The following OGT variants were observed in gnomAD, a reference collection of about 807,000 sequenced individuals.
The protein encoded by OGT is O-linked N-acetylglucosamine (GlcNAc) transferase.
A neutral mutation model predicts 75.8 loss-of-function variants in OGT; 3 were observed. The observed-to-expected ratio is 0.04, with a 90% CI of 0.02 to 0.10. The LOEUF is 0.10. OGT is among the 10% of genes least tolerant of loss of function. OGT has a pLI of 1.00. For missense variants in OGT, 260 were observed against 824.4 expected (o/e 0.32, Z 8.38); for synonymous variants, 257 against 289.7 (o/e 0.89, Z 1.15).
intron 1 of OGT, among the ~76,000 whole-genome samples, chrX:71,534,562 T>C (rs2040161494): frequency 9.0e-6 from 1 of 111,137 alleles, no homozygotes; most frequent in Non-Finnish European, 1.9e-5. Flanking sequence ...GAAGTTGTGC[T>C]GTAAGTAGTA....
At position 71,559,568 on chromosome X, in the gene OGT, T is replaced by A. The variant is rs1488513376; in HGVS notation, c.1762-20T>A. 5 of 1,187,440 alleles carry A rather than the reference T, an allele frequency of 4.2e-6. No individual in the cohort carries two copies. In the South Asian group the frequency reaches 7.3e-5, roughly 17 times the overall value. Reference sequence around the variant, plus strand: ...AGATTTGAGCCAATGTTATTAAATATGCCATGTGCTGCCTTTCAGGTGTTC... The same window carrying A: ...AGATTTGAGCCAATGTTATTAAATAAGCCATGTGCTGCCTTTCAGGTGTTC... On this transcript the variant is annotated intron_variant, in intron 13 of 21. Transcript: ENST00000373719.
Position 71,544,605 on chromosome X carries a change from C to G in OGT, c.501C>G (p.Leu167=), listed in dbSNP as rs757800707. Residue 167 remains leucine (L), a synonymous_variant, in exon 4 of 22, where the codon CTC becomes CTG. Transcript: ENST00000373719. The part of the protein sequence containing the change: ...YCVRSDLGNL[L]KALGRLEEAK... ...TTCGCAGTGACCTGGGGAACCTGCT[C>G]AAAGCCCTGGGTCGCTTGGAAGAAG... 3 of 1,210,347 alleles carry G rather than the reference C, an allele frequency of 2.5e-6. No homozygotes were observed. Among genetic ancestry groups the G allele is most frequent in the Admixed American group, 4.3e-5 (2 of 46,034 alleles).
At chrX:71,564,198 A>G (rs1278004196) in intron 18 of OGT, among the ~76,000 whole-genome samples, 2 of 112,431 alleles carry the variant, frequency 1.8e-5, no homozygotes, top group Non-Finnish European at 3.8e-5. Context: ...GAGAATTACA[A>G]GATGAAACTA....
intron 5 of OGT, among the ~76,000 whole-genome samples, chrX:71,553,953 G>A (rs1298747628): frequency 8.9e-6 from 1 of 111,738 alleles, no homozygotes; most frequent in African/African-American, 3.3e-5. Flanking sequence ...TTTTCTAGGA[G>A]GTAAATTCTT....
At chrX:71,537,549 C>T (rs1044492605) in intron 2 of OGT, among the ~76,000 whole-genome samples, 5 of 111,853 alleles carry the variant, frequency 4.5e-5, no homozygotes, top group South Asian at 7.4e-4. Flanking sequence ...GTGATCCTCC[C>T]GCCTCAGCCT....
intron 5 of OGT, among the ~76,000 whole-genome samples, chrX:71,550,826 G>C (rs1486570054): frequency 9.1e-6 from 1 of 109,881 alleles, no homozygotes; most frequent in African/African-American, 3.3e-5. Flanking sequence ...ACTGTATTAT[G>C]TCACCTATTT....
chrX:71,545,156 A>C, intron 4 of OGT: 1 of 112,961 alleles, frequency 8.9e-6, no homozygotes, highest in Non-Finnish European at 1.9e-5. Context: ...AGGCTGTTAA[A>C]ATGATTACAA....
intron 14 of OGT, among the ~76,000 whole-genome samples, chrX:71,561,223 C>T (rs925645358): frequency 1.8e-5 from 2 of 110,802 alleles, no homozygotes; most frequent in Admixed American, 9.6e-5. Flanking sequence ...CCACCATGCC[C>T]GGCCTACTCA....
chrX:71,573,545 A>T (rs2040472012), intron 21 of OGT, 75 bp from the exon 22 acceptor site: 1 of 935,500 alleles, frequency 1.1e-6, no homozygotes, highest in Non-Finnish European at 1.5e-6. Flanking sequence ...CACAAATGCG[A>T]CTAGGTATTT....
Position 71,573,845 on chromosome X carries a change from G to T in OGT, c.*51G>T. On this transcript the variant is annotated 3_prime_UTR_variant, in exon 22 of 22. Transcript: ENST00000373719. ...CCTATACCTGAGCCTCAACCTTCTG[G>T]GGGAAAGGGAACTAGATAACATACT... The T allele has an allele frequency of 2.8e-5, 28 of 998,835 alleles. No individual in the cohort carries two copies. Among genetic ancestry groups the T allele is most frequent in the Non-Finnish European group, 3.8e-5 (28 of 739,421 alleles). The allele number at this position is 998,835 out of a possible 1,213,427, so 82.3% of individuals were successfully genotyped here. A position where few individuals can be genotyped will look rare whatever the true frequency, so the allele number is the denominator to read the frequency against.
At chrX:71,568,904 A>C (rs1169040183) in intron 21 of OGT, among the ~76,000 whole-genome samples, 1 of 111,620 alleles carries the variant, frequency 9.0e-6, no homozygotes, top group African/African-American at 3.3e-5. Flanking sequence ...AAAGAACCTG[A>C]GGTATATCCA....
Position 71,569,742 on chromosome X carries a change from C to CT in OGT, c.2966+1636dup, listed in dbSNP as rs1191315897. Among the ~76,000 whole-genome samples the CT allele has an allele frequency of 6.5e-3, 679 of 104,655 alleles. 5 individuals are homozygous for CT. Among genetic ancestry groups the CT allele is most frequent in the African/African-American group, 0.022 (651 of 28,943 alleles). 90.9% of individuals were successfully genotyped at this position (104,655 alleles called of 115,157 possible). ...GGCTGGATATTTCTTTTTTCTTTTCCTTTTTTTTTTCTGGACGGAGTCTCG... is the reference window on the plus strand; with the variant it reads ...GGCTGGATATTTCTTTTTTCTTTTCCTTTTTTTTTTTCTGGACGGAGTCTCG... On this transcript the variant is annotated intron_variant, in intron 21 of 21. Transcript: ENST00000373719.
intron 3 of OGT, among the ~76,000 whole-genome samples, chrX:71,540,066 C>T (rs2040206750): frequency 8.9e-6 from 1 of 112,328 alleles, no homozygotes; most frequent in African/African-American, 3.2e-5. Context: ...ATGGGATTAC[C>T]TCTTGAATGC....
intron 21 of OGT, among the ~76,000 whole-genome samples, chrX:71,570,188 C>A (rs192585970): frequency 1.9e-5 from 2 of 106,297 alleles, no homozygotes; most frequent in African/African-American, 6.9e-5. Flanking sequence ...TTACAGGCAT[C>A]CACCACCACA....
In OGT at chrX:71,544,780, G is replaced by C. The variant is rs758720244; in HGVS notation, c.531+145G>C. ...TGACGGCACGAATCGCCTCAGAATA[G>C]AGCAGGGCCAGGCTTTGGCATATCT... On this transcript the variant is annotated intron_variant, in intron 4 of 21. Transcript: ENST00000373719. The C allele has an allele frequency of 6.1e-6, 3 of 488,500 alleles. No individual in the cohort carries two copies. In the East Asian group the frequency reaches 1.1e-4, roughly 18 times the overall value. 40.3% of individuals were successfully genotyped at this position (488,500 alleles called of 1,213,427 possible).
chrX:71,572,028 C>T (rs906430549), intron 21 of OGT, among the ~76,000 whole-genome samples: 21 of 110,886 alleles, frequency 1.9e-4, no homozygotes, highest in Non-Finnish European at 2.8e-4. Flanking sequence ...CTCGGCCTCC[C>T]AAAGTGCTGG....
intron 3 of OGT, among the ~76,000 whole-genome samples, chrX:71,542,322 T>C (rs2040225112): frequency 8.9e-6 from 1 of 112,210 alleles, no homozygotes; most frequent in African/African-American, 3.2e-5. Context: ...TAGCTGTTCA[T>C]GCACATAGGT....
Position 71,559,623 on chromosome X carries a change from A to G in OGT, c.1797A>G (p.Thr599=). The change falls in exon 14 of 22, where the codon ACA becomes ACG. Residue 599 remains threonine, a synonymous_variant. Transcript: ENST00000373719. Reference sequence around the variant, plus strand: ...ATGCCCTGAGCCCAGACGATGGCACAAACTTCCGAGTGAAGGTGATGGCAG... The same window carrying G: ...ATGCCCTGAGCCCAGACGATGGCACGAACTTCCGAGTGAAGGTGATGGCAG... ...FCYALSPDDG[T]NFRVKVMAEA... The G allele has an allele frequency of 8.3e-7, 1 of 1,211,295 alleles. No homozygotes were observed. The highest frequency in any genetic ancestry group is 1.1e-6 in the Non-Finnish European group (1 of 894,959).
In OGT at chrX:71,554,610, T is replaced by TAACCC. The variant is rs1164190697; in HGVS notation, c.728+18_728+19insAACCC. The TAACCC allele has an allele frequency of 1.8e-6, 2 of 1,140,562 alleles. No individual in the cohort carries two copies. The highest frequency in any genetic ancestry group is 2.4e-6 in the Non-Finnish European group (2 of 831,185). 94.0% of individuals were successfully genotyped at this position (1,140,562 alleles called of 1,213,427 possible). A position where few individuals can be genotyped will look rare whatever the true frequency, so the allele number is the denominator to read the frequency against. ...TTTGACAGGTGAGAGAATGTTCTGT[T>TAACCC]TAATAAATTTTCTTGAATCTTTGTT... On this transcript the variant is annotated intron_variant, in intron 6 of 21. Transcript: ENST00000373719.
Sources: gnomAD v4.1 joint callset for allele counts (sites outside exome capture counted in the v4.1 genomes callset) on GRCh38, gnomAD v4.1.1 for gene constraint, MANE v1.5 for transcripts, NCBI Gene and HGNC (gene_info 2026-07-23, HGNC 2026-07-21) for gene names.